Variants in SLC38A10 observed in about 807,000 individuals in gnomAD.
SLC38A10 encodes solute carrier family 38 member 10.
A neutral mutation model predicts 81.0 loss-of-function variants in SLC38A10; 53 were observed. That is an observed-to-expected ratio of 0.65 (90% CI 0.53 to 0.82). The LOEUF is 0.82. Ranked by LOEUF, SLC38A10 falls within the 40% of genes least tolerant of loss-of-function variation. The pLI is 0.00. For synonymous variants in SLC38A10, 665 were observed against 655.3 expected, an observed-to-expected ratio of 1.01 and a Z score of -0.23; for missense variants, 1,471 against 1,545.0, an observed-to-expected ratio of 0.95 and a Z score of 0.80.
In SLC38A10 at chr17:81,253,007, T is replaced by C. The variant is rs959385215; in HGVS notation, c.1456+66A>G. The C allele has an allele frequency of 4.5e-6, 7 of 1,570,406 alleles. No individual in the cohort carries two copies. In the Admixed American group the frequency reaches 5.1e-5, roughly 11 times the overall value. On this transcript the variant is annotated intron_variant, in intron 12 of 15. Coordinates refer to ENST00000374759, the MANE Select transcript of SLC38A10 (RefSeq NM_001037984.3). The surrounding 1 kb of genome is among the most constrained non-coding windows in gnomAD (Gnocchi z 4.1). ...GCCCTGAGAGCCACCCCGCAGGGTGTCCAGCCTGCAAAGGAGGACCCGGGG... is the reference window on the plus strand; with the variant it reads ...GCCCTGAGAGCCACCCCGCAGGGTGCCCAGCCTGCAAAGGAGGACCCGGGG...
At chr17:81,260,593 C>T (rs2063013713) in intron 10 of SLC38A10, among the ~76,000 whole-genome samples, 199 bp from the exon 11 acceptor site, 1 of 152,208 alleles carries the variant, frequency 6.6e-6, no homozygotes, top group South Asian at 2.1e-4. Flanking sequence ...GAGACGGGCC[C>T]ACCTGCCCGC....
At chr17:81,294,414 C>G (rs1303004043) in intron 1 of SLC38A10, among the ~76,000 whole-genome samples, 1 of 152,206 alleles carries the variant, frequency 6.6e-6, no homozygotes, top group African/African-American at 2.4e-5. Context: ...AGGTCCCTAT[C>G]TAGTGTCGAA....
At chr17:81,294,623 C>T (rs116006109) in intron 1 of SLC38A10, among the ~76,000 whole-genome samples, 200 bp downstream of exon 1, 1,806 of 152,330 alleles carry the variant, frequency 0.012, 43 homozygotes, top group African/African-American at 0.04. Context: ...CAAGGGCTGC[C>T]AGGGCCAACG....
At chr17:81,275,919 C>A (rs909330076) in intron 8 of SLC38A10, 50 bp downstream of exon 8, 3 of 1,531,884 alleles carry the variant, frequency 2.0e-6, no homozygotes, top group Non-Finnish European at 2.6e-6. Context: ...TTATGGGAAG[C>A]GAGCCTGACC....
At position 81,245,680 on chromosome 17, in the gene SLC38A10, T is replaced by A; in HGVS notation, c.3236A>T (p.Asp1079Val). The A allele has an allele frequency of 6.2e-7, 1 of 1,606,290 alleles. No homozygotes were observed. The highest frequency in any genetic ancestry group is 8.5e-7 in the Non-Finnish European group (1 of 1,177,012). The change falls in exon 16 of 16, where the codon GAT becomes GTT. Residue 1079 changes from aspartate (D) to valine (V), a missense_variant. Around this residue, in one of 2 missense-constraint regions of SLC38A10, gnomAD observed 751 missense variants for 717.4 expected, o/e 1.05. Transcript: ENST00000374759. ...GCCACGGAGGTCGTTCACCTGGACA[T>A]CAGGCAGGGGGTTAAGGCCAATGAT... ...GVIIGLNPLP[D>V]VQVNDLRGAL...
chr17:81,250,862 G>T (rs1368917113), intron 14 of SLC38A10: 2 of 1,045,360 alleles, frequency 1.9e-6, no homozygotes, highest in Admixed American at 1.0e-4. Context: ...GACCCAAGGG[G>T]CGAGAAGTTT....
chr17:81,274,280 T>G (rs949121783), intron 8 of SLC38A10, among the ~76,000 whole-genome samples: 12 of 152,210 alleles, frequency 7.9e-5, no homozygotes, highest in African/African-American at 2.9e-4. Context: ...CTTTGGTGCT[T>G]GGCCTCTGCT....
intron 6 of SLC38A10, among the ~76,000 whole-genome samples, chr17:81,278,310 G>GGAGGTCGAGGCTACAGTGAGCT (rs1486292359): frequency 1.3e-5 from 2 of 152,160 alleles, no homozygotes; most frequent in Non-Finnish European, 2.9e-5. Context: ...CTGGAGCCCG[G>GGAGGTCGAGGCTACAGTGAGCT]GAGGTCGAGG....
Position 81,278,374 on chromosome 17 carries a change from A to T in SLC38A10, c.627-1241T>A, listed in dbSNP as rs569863806. Reference sequence around the variant, plus strand: ...ACTCCAGCTTGGGTGACACAGCAGGACCCCATCTCCAAAAAAAAGAAAACC... The same window carrying T: ...ACTCCAGCTTGGGTGACACAGCAGGTCCCCATCTCCAAAAAAAAGAAAACC... On this transcript the variant is annotated intron_variant, in intron 6 of 15. Coordinates refer to ENST00000374759, the MANE Select transcript of SLC38A10 (RefSeq NM_001037984.3). Among the ~76,000 whole-genome samples the T allele has an allele frequency of 2.6e-5, 4 of 151,938 alleles. No individual in the cohort carries two copies. In the East Asian group the frequency reaches 7.7e-4, roughly 29 times the overall value.
chr17:81,292,459 C>CAA lies in SLC38A10; in HGVS notation c.99+2362_99+2363dup, dbSNP rs370234099. Among the ~76,000 whole-genome samples, 1,365 of 144,636 alleles carry CAA rather than the reference C, an allele frequency of 9.4e-3. 18 individuals are homozygous for CAA. The highest frequency in any genetic ancestry group is 0.032 in the African/African-American group (1,281 of 39,772). The allele number at this position is 144,636 out of a possible 152,430, so 94.9% of individuals were successfully genotyped here. ...TATAAATATATCAAAACTACTAAAA[C>CAA]AAAAAAAAAAACACTAATCCAAAGT... On this transcript the variant is annotated intron_variant, in intron 1 of 15. Coordinates refer to ENST00000374759, the MANE Select transcript of SLC38A10 (RefSeq NM_001037984.3).
rs146549378 is a variant in SLC38A10 at position 81,260,248 on chromosome 17, C to T, written c.1278G>A (p.Ala426=). 5.8e-5 allele frequency: 93 copies of T among 1,602,840 alleles called. No homozygotes were observed. The highest frequency in any genetic ancestry group is 3.5e-4 in the African/African-American group (26 of 74,878). ...CCAGGGTGGGCATACCTGAGAGCCGCGCTGCCTCCACCTTCATCAAACCCT... is the reference window on the plus strand; with the variant it reads ...CCAGGGTGGGCATACCTGAGAGCCGTGCTGCCTCCACCTTCATCAAACCCT... The part of the protein sequence containing the change: ...EAEGLMKVEA[A]RLSAQDPVVA... The change falls in exon 11 of 16, where the codon GCG becomes GCA. Residue 426 remains alanine (A), a synonymous_variant. Coordinates refer to ENST00000374759, the MANE Select transcript of SLC38A10 (RefSeq NM_001037984.3).
In SLC38A10 at chr17:81,245,815, T is replaced by C. The variant is rs774927323; in HGVS notation, c.3101A>G (p.Asn1034Ser). Reference protein sequence around the residue: ...RAVPGGQRPDNAKPNRDLKLQ... With the variant: ...RAVPGGQRPDSAKPNRDLKLQ... ...TTTCAGGTCCCGGTTGGGCTTGGCATTGTCCGGCCTCTGGCCCCCCGGGAC... is the reference window on the plus strand; with the variant it reads ...TTTCAGGTCCCGGTTGGGCTTGGCACTGTCCGGCCTCTGGCCCCCCGGGAC... The change falls in exon 16 of 16, where the codon AAT (asparagine) becomes AGT (serine). Residue 1034 changes from asparagine (N) to serine (S), a missense_variant. This residue lies in a region of SLC38A10 where 751 missense variants were observed against 717.4 expected (regional missense o/e 1.05). Coordinates refer to ENST00000374759, the MANE Select transcript of SLC38A10 (RefSeq NM_001037984.3). 2 of 1,609,180 alleles carry C rather than the reference T, an allele frequency of 1.2e-6. No individual in the cohort carries two copies. The highest frequency in any genetic ancestry group is 1.7e-4 in the Middle Eastern group (1 of 6,032).
At chr17:81,248,150 G>A (rs571240467) in intron 14 of SLC38A10, among the ~76,000 whole-genome samples, 225 of 152,058 alleles carry the variant, frequency 1.5e-3, no homozygotes, top group African/African-American at 5.0e-3. Flanking sequence ...GTAGAGATGG[G>A]GTTTCACCGT....
chr17:81,251,187 C>G (rs766481389), intron 14 of SLC38A10: 127 of 1,531,964 alleles, frequency 8.3e-5, no homozygotes, highest in Non-Finnish European at 9.2e-5. Context: ...ATGGTAATCA[C>G]AAGCCAAGTG....
At chr17:81,251,633 CAGA>C in intron 13 of SLC38A10, 21 bp from the exon 14 acceptor site, 1 of 1,458,820 alleles carries the variant, frequency 6.9e-7, no homozygotes, top group Non-Finnish European at 9.0e-7. Context: ...GGTGAAGACT[CAGA>C]AGGTTTTGCA....
rs1415416054 is a variant in SLC38A10 at position 81,265,939 on chromosome 17, T to C, written c.1131+4979A>G. Among the ~76,000 whole-genome samples the C allele has an allele frequency of 6.6e-6, 1 of 152,184 alleles. No individual in the cohort carries two copies. Among genetic ancestry groups the C allele is most frequent in the Non-Finnish European group, 1.5e-5 (1 of 68,030 alleles). The stretch of plus-strand genomic sequence containing the variant: ...CCACGCACAGCCAAACTGCGGTGAA[T>C]GTGATTCAGTGCGCTTTCTAGCTTC... On this transcript the variant is annotated intron_variant, in intron 10 of 15. Transcript: ENST00000374759. This position sits in a 1 kb window ranked among gnomAD's most constrained non-coding sequence, Gnocchi z 4.2.
chr17:81,282,461 G>C, intron 4 of SLC38A10, 129 bp from the exon 5 acceptor site: 1 of 1,310,406 alleles, frequency 7.6e-7, no homozygotes, highest in East Asian at 2.5e-5. Context: ...GACGCCGGCG[G>C]GTCTGAGGCT....
chr17:81,246,022 G>T lies in SLC38A10; in HGVS notation c.2894C>A (p.Ser965Tyr). The T allele has an allele frequency of 6.2e-7, 1 of 1,610,528 alleles. No individual in the cohort carries two copies. ...CTGCTGTCCACCCTGCTCGCCATCA[G>T]AGATGACCCGCAGTTCCGGCTGGCG... is the stretch of plus-strand genomic sequence containing the variant. ...VLRQPELRVI[S>Y]DGEQGGQQGH... The change falls in exon 16 of 16, where the codon TCT becomes TAT. Residue 965 changes from serine (S) to tyrosine (Y), a missense_variant. Physicochemically the swap from Ser to Tyr is moderately radical, Grantham distance 144 (BLOSUM62 -2). Coordinates refer to ENST00000374759, the MANE Select transcript of SLC38A10 (RefSeq NM_001037984.3).
chr17:81,250,984 C>G, intron 14 of SLC38A10: 1 of 1,343,320 alleles, frequency 7.4e-7, no homozygotes, highest in Non-Finnish European at 9.5e-7. Flanking sequence ...CTCCGAGGCC[C>G]GAGGGTGTGG....
Sources: gnomAD v4.1 joint callset for allele counts (sites outside exome capture counted in the v4.1 genomes callset) on GRCh38, gnomAD v4.1.1 for gene constraint, gnomAD v4.1.1 regional missense constraint, Gnocchi (gnomAD v3.1) non-coding constraint, MANE v1.5 for transcripts, NCBI Gene and HGNC (gene_info 2026-07-23, HGNC 2026-07-21) for gene names.